CADPS: variants seen among roughly 807,000 people sequenced by gnomAD.
CADPS encodes calcium dependent secretion activator, also known as calcium-dependent secretion activator 1.
Under a neutral mutation model 167.3 loss-of-function variants are expected in CADPS, and 57 were observed. The observed-to-expected ratio is 0.34, with a 90% CI of 0.28 to 0.42. The LOEUF (loss-of-function observed/expected upper bound fraction) is 0.42. CADPS is among the 20% of genes least tolerant of loss of function. CADPS has a pLI of 1.00. For missense variants in CADPS, 1,414 were observed against 1,738.1 expected (o/e 0.81, Z 3.32); for synonymous variants, 676 against 635.3 (o/e 1.06, Z -0.96).
intron 3 of CADPS, among the ~76,000 whole-genome samples, chr3:62,752,661 C>G (rs1414304232): frequency 6.6e-6 from 1 of 152,166 alleles, no homozygotes; most frequent in African/African-American, 2.4e-5. Flanking sequence ...AAGGAAGGTC[C>G]TTGTTTAAAA....
At chr3:62,828,854 C>T (rs1231357564) in intron 1 of CADPS, among the ~76,000 whole-genome samples, 1 of 152,076 alleles carries the variant, frequency 6.6e-6, no homozygotes, top group Non-Finnish European at 1.5e-5. Flanking sequence ...TTACTTTGGC[C>T]TACCTGTGTT....
chr3:62,742,170 G>C (rs941625995), intron 3 of CADPS, among the ~76,000 whole-genome samples: 5 of 152,090 alleles, frequency 3.3e-5, no homozygotes, highest in African/African-American at 1.2e-4. Context: ...TGGATAGAAA[G>C]AATCAATATT....
chr3:62,623,665 T>C (rs547528906), intron 6 of CADPS, among the ~76,000 whole-genome samples: 1 of 152,274 alleles, frequency 6.6e-6, no homozygotes, highest in African/African-American at 2.4e-5. Context: ...TGTTAGATCC[T>C]GGAAGGATGA....
In CADPS at chr3:62,743,489, T is replaced by G. The variant is rs570667759; in HGVS notation, c.888+9952A>C. On this transcript the variant is annotated intron_variant, in intron 3 of 29. Transcript: ENST00000383710. ...GCTTTGCAATTTGGAATTTTATGTA[T>G]GATGTTGTATGTTCTTCCTCCAAAG... Among the ~76,000 whole-genome samples the G allele has an allele frequency of 2.0e-5, 3 of 152,196 alleles. No homozygotes were observed. The South Asian group carries it at 6.2e-4, about 31-fold the overall frequency.
intron 3 of CADPS, among the ~76,000 whole-genome samples, chr3:62,745,988 G>A (rs578106725): frequency 6.5e-4 from 99 of 152,286 alleles, no homozygotes; most frequent in Admixed American, 1.4e-3. Context: ...TTTCAGGAAG[G>A]AAAACAGCAA....
rs970633883 is a variant in CADPS, at chr3:62,455,332, G to C, written c.3637-9535C>G. On this transcript the variant is annotated intron_variant, in intron 26 of 29. Transcript: ENST00000383710. The surrounding 1 kb of genome is among the most constrained non-coding windows in gnomAD (Gnocchi z 4.4). ...CATGCTTACTCTTTGCCTAGCACAA[G>C]GTTAAGCAATTTATAAGGAATTCAC... Among the ~76,000 whole-genome samples, 16 of 152,228 alleles carry C rather than the reference G, an allele frequency of 1.1e-4. No individual in the cohort carries two copies. The highest frequency in any genetic ancestry group is 3.4e-4 in the African/African-American group (14 of 41,546).
rs2057192737 is a variant in CADPS, at chr3:62,446,164, C to A, written c.3637-367G>T. Among the ~76,000 whole-genome samples the A allele has an allele frequency of 6.6e-6, 1 of 152,130 alleles. No individual in the cohort carries two copies. ...TGCTGTTACTTCTGGTACCTTGGGT[C>A]TTTGTGTAATTTGGCTGCAGGTTGT... On this transcript the variant is annotated intron_variant, in intron 26 of 29. Transcript: ENST00000383710. This position sits in a 1 kb window ranked among gnomAD's most constrained non-coding sequence, Gnocchi z 4.9.
At chr3:62,867,515 C>G (rs1005916142) in intron 1 of CADPS, among the ~76,000 whole-genome samples, 1 of 152,154 alleles carries the variant, frequency 6.6e-6, no homozygotes, top group Non-Finnish European at 1.5e-5. Flanking sequence ...AATGTCTCAA[C>G]AAAAGTGAAA....
At chr3:62,691,951 A>G (rs979515621) in intron 3 of CADPS, among the ~76,000 whole-genome samples, 3 of 151,986 alleles carry the variant, frequency 2.0e-5, no homozygotes, top group African/African-American at 7.3e-5. Flanking sequence ...GAAGAAAAAA[A>G]AGATAGGATT....
In CADPS at chr3:62,765,929, C is replaced by T; in HGVS notation, c.497G>A (p.Gly166Glu). ...VKDRFQAFLN[G>E]ETQIMADEAF... ...TTCGTCAGCCATGATCTGGGTTTCC[C>T]CATTGAGGAAAGCCTGAAACCGGTC... is the stretch of plus-strand genomic sequence containing the variant. Residue 166 changes from glycine to glutamate, a missense_variant, in exon 2 of 30, where the codon GGG (glycine) becomes GAG (glutamate). By Grantham distance (98) the Gly-to-Glu change is moderately conservative. Coordinates refer to ENST00000383710, the MANE Select transcript of CADPS (RefSeq NM_003716.4). 1 of 1,613,468 alleles carries T rather than the reference C, an allele frequency of 6.2e-7. No homozygotes were observed. Among genetic ancestry groups the T allele is most frequent in the Non-Finnish European group, 8.5e-7 (1 of 1,179,540 alleles).
rs2060188026 is a variant in CADPS at position 62,602,987 on chromosome 3, A to G, written c.1326-10239T>C. 6.6e-6 allele frequency among the ~76,000 whole-genome samples: 1 copy of G among 152,212 alleles called. No homozygotes were observed. The highest frequency in any genetic ancestry group is 6.5e-5 in the Admixed American group (1 of 15,278). Reference sequence around the variant, plus strand: ...TGCTATGGAGAAAAAGAAAGCAGAAAATGGCATTTGGAAGTACCAGGAAGC... The same window carrying G: ...TGCTATGGAGAAAAAGAAAGCAGAAGATGGCATTTGGAAGTACCAGGAAGC... On this transcript the variant is annotated intron_variant, in intron 6 of 29. Transcript: ENST00000383710. The surrounding 1 kb of genome is among the most constrained non-coding windows in gnomAD (Gnocchi z 4.4).
intron 6 of CADPS, among the ~76,000 whole-genome samples, chr3:62,604,191 A>G (rs1210162713): frequency 6.6e-6 from 1 of 151,986 alleles, no homozygotes; most frequent in East Asian, 1.9e-4. Flanking sequence ...TTGTTGATGC[A>G]CTGAGTAAAA....
intron 1 of CADPS, among the ~76,000 whole-genome samples, chr3:62,778,942 A>T (rs560459845): frequency 6.6e-6 from 1 of 151,214 alleles, no homozygotes; most frequent in South Asian, 2.1e-4. Context: ...TTGCTCTGTC[A>T]CCCAGTGGCA....
intron 18 of CADPS, among the ~76,000 whole-genome samples, chr3:62,494,230 G>A (rs2151149550): frequency 6.6e-6 from 1 of 152,276 alleles, no homozygotes; most frequent in East Asian, 1.9e-4. Context: ...GCAGATGAGA[G>A]CCCTGGGGTT....
At chr3:62,523,596 A>C (rs1247830988) in intron 13 of CADPS, among the ~76,000 whole-genome samples, 1 of 152,210 alleles carries the variant, frequency 6.6e-6, no homozygotes, top group African/African-American at 2.4e-5. Context: ...AGAATGCTAA[A>C]TTAATTCAAA....
chr3:62,482,150 A>G (rs2062111036), intron 21 of CADPS, among the ~76,000 whole-genome samples: 1 of 152,208 alleles, frequency 6.6e-6, no homozygotes, highest in Non-Finnish European at 1.5e-5. Context: ...TTTGGTTTCC[A>G]TATCCATTGC....
intron 22 of CADPS, among the ~76,000 whole-genome samples, chr3:62,481,224 T>C (rs990970990): frequency 6.6e-6 from 1 of 152,234 alleles, no homozygotes; most frequent in Non-Finnish European, 1.5e-5. Context: ...CTGAACATAC[T>C]GTTACTATAT....
Position 62,414,882 on chromosome 3 carries a change from C to T in CADPS, c.3778-11697G>A, listed in dbSNP as rs375189261. ...TGTCTACTGGGGGATTGTTCCCAAC[C>T]CCCCCAAACCCACTCTCCCCTCAAA... On this transcript the variant is annotated intron_variant, in intron 28 of 29. Transcript: ENST00000383710. Among the ~76,000 whole-genome samples, 7 of 152,220 alleles carry T rather than the reference C, an allele frequency of 4.6e-5. No individual in the cohort carries two copies. The East Asian group carries it at 1.2e-3, about 25-fold the overall frequency.
intron 27 of CADPS, among the ~76,000 whole-genome samples, chr3:62,443,941 A>T (rs1240174518): frequency 6.6e-6 from 1 of 152,180 alleles, no homozygotes; most frequent in Non-Finnish European, 1.5e-5. Flanking sequence ...TCCCATCTTT[A>T]TAATAAATCT....
Sources: allele counts gnomAD v4.1 joint callset (sites outside exome capture counted in the v4.1 genomes callset), GRCh38; gene constraint gnomAD v4.1.1; non-coding constraint Gnocchi (gnomAD v3.1); transcripts MANE v1.5; gene names NCBI Gene and HGNC (gene_info 2026-07-23, HGNC 2026-07-21).